Variants in TF observed in about 807,000 individuals in gnomAD.
The protein encoded by TF is serotransferrin.
In TF, 55 loss-of-function variants were observed where a neutral mutation model predicts 82.4. The ratio of observed to expected loss-of-function variants is 0.67; its 90% CI spans 0.54 to 0.84. The LOEUF (loss-of-function observed/expected upper bound fraction) is 0.84, where lower values mean the gene tolerates loss of function less well. Ranked by LOEUF, TF falls within the 40% of genes least tolerant of loss-of-function variation. The pLI is 0.00. For missense variants in TF, 737 were observed against 868.4 expected, an observed-to-expected ratio of 0.85 and a Z score of 1.90; for synonymous variants, 332 against 332.6, an observed-to-expected ratio of 1.00 and a Z score of 0.02.
the TF span, among the ~76,000 whole-genome samples, chr3:133,707,190 T>TCACACACACACA: frequency 0.049 from 7,038 of 144,584 alleles, 279 homozygotes; most frequent in African/African-American, 0.11. Flanking sequence ...AACCTCAGAG[T>TCACACACACACA]CACACACACA....
chr3:133,685,074 A>ATATATGT, the TF span, among the ~76,000 whole-genome samples: 3 of 152,192 alleles, frequency 2.0e-5, no homozygotes, highest in African/African-American at 7.2e-5. Context: ...AAACTAATCC[A>ATATATGT]TCATATAAAC....
the TF span, chr3:133,710,055 T>C: frequency 1.3e-5 from 2 of 152,396 alleles, no homozygotes; most frequent in Non-Finnish European, 2.9e-5. Context: ...CAGTAAGTCC[T>C]GGAGTGCTGT....
At chr3:133,705,237 G>A in the TF span, among the ~76,000 whole-genome samples, 5 of 150,078 alleles carry the variant, frequency 3.3e-5, no homozygotes, top group African/African-American at 9.8e-5. Flanking sequence ...TCGTGCCATT[G>A]CACTCCAGCC....
At chr3:133,721,975 G>T in the TF span, among the ~76,000 whole-genome samples, 1 of 152,132 alleles carries the variant, frequency 6.6e-6, no homozygotes, top group East Asian at 1.9e-4. Context: ...TGCCTCCTGG[G>T]GTCAAGCCAT....
At chr3:133,744,174 G>A (rs1933445869), upstream of TF, among the ~76,000 whole-genome samples, 1 of 152,260 alleles carries the variant, frequency 6.6e-6, no homozygotes. Flanking sequence ...CTGGCCAGTA[G>A]GTAGTTGCTC....
chr3:133,733,369 T>A, the TF span, among the ~76,000 whole-genome samples: 3 of 152,136 alleles, frequency 2.0e-5, no homozygotes, highest in African/African-American at 4.8e-5. Flanking sequence ...ACTACTAACC[T>A]CCTTCCCATC....
At chr3:133,728,762 GT>G in the TF span, among the ~76,000 whole-genome samples, 4 of 152,120 alleles carry the variant, frequency 2.6e-5, no homozygotes, top group African/African-American at 9.7e-5. Context: ...TTTCTGTTCT[GT>G]TTTTTCCCCA....
chr3:133,666,164 T>G, the TF span, among the ~76,000 whole-genome samples: 4 of 152,116 alleles, frequency 2.6e-5, no homozygotes, highest in Non-Finnish European at 5.9e-5. Context: ...AATAAATGAA[T>G]GTACAATTTG....
intron 9 of TF, chr3:133,761,204 C>T (rs1933983316): frequency 9.3e-6 from 2 of 214,440 alleles, no homozygotes; most frequent in Admixed American, 4.2e-5. Flanking sequence ...ACTGGTATTA[C>T]TGGGATGGCA....
In TF at chr3:133,756,776, G is replaced by A. The variant is rs1933846220; in HGVS notation, c.692-55G>A. On this transcript the variant is annotated intron_variant, in intron 6 of 16. Coordinates refer to ENST00000402696, the MANE Select transcript of TF (RefSeq NM_001063.4). The stretch of plus-strand genomic sequence containing the variant: ...ATGATCAATTGAATTTCAAGGATGG[G>A]CACCACAGCCCATGGCTCTCCTGTG... The A allele has an allele frequency of 1.7e-5, 28 of 1,604,246 alleles. No individual in the cohort carries two copies. In the South Asian group the frequency reaches 3.1e-4, roughly 18 times the overall value.
chr3:133,736,576 A>T, the TF span, among the ~76,000 whole-genome samples: 1 of 144,934 alleles, frequency 6.9e-6, no homozygotes, highest in Non-Finnish European at 1.5e-5. Flanking sequence ...GTGCAAAGAC[A>T]CACATAGGCT....
At position 133,793,241 on chromosome 3, in the gene TF, G is replaced by GT. The variant is rs1302110383; in HGVS notation, c.*14626dup. On this transcript the variant is annotated 3_prime_UTR_variant, in exon 17 of 17. Transcript: ENST00000402696. ...GTCTTCCATCTATCAACATGGAAAG[G>GT]TTTTTGCCTTTTAAAACATTTTTGA... 6.6e-6 allele frequency: 1 copy of GT among 152,072 alleles called. No homozygotes were observed. The highest frequency in any genetic ancestry group is 6.6e-5 in the Admixed American group (1 of 15,262). 9.4% of individuals were successfully genotyped at this position (152,072 alleles called of 1,614,324 possible).
the TF span, among the ~76,000 whole-genome samples, chr3:133,699,002 T>C: frequency 6.6e-6 from 1 of 152,218 alleles, no homozygotes; most frequent in Admixed American, 6.5e-5. Flanking sequence ...GGCATGGTAA[T>C]GCGTCAGCCC....
At chr3:133,715,056 G>A in the TF span, among the ~76,000 whole-genome samples, 12,089 of 152,048 alleles carry the variant, frequency 0.08, 646 homozygotes, top group East Asian at 0.26. Context: ...ACCTTTCCCC[G>A]TGGTCTTTTT....
At chr3:133,761,703 T>C (rs1251345073) in intron 9 of TF, 1 of 152,270 alleles carries the variant, frequency 6.6e-6, no homozygotes, top group Non-Finnish European at 1.5e-5. Flanking sequence ...AGCATAGTAC[T>C]GGATTGTGTG....
chr3:133,736,579 C>T, the TF span, among the ~76,000 whole-genome samples: 2 of 107,366 alleles, frequency 1.9e-5, no homozygotes, highest in South Asian at 6.4e-4. Context: ...CAAAGACACA[C>T]ATAGGCTCAA....
At chr3:133,693,433 C>A in the TF span, among the ~76,000 whole-genome samples, 76,022 of 151,986 alleles carry the variant, frequency 0.5, 19,674 homozygotes, top group Non-Finnish European at 0.56. Flanking sequence ...ATAATGATGG[C>A]CAGATCTTTT....
the TF span, among the ~76,000 whole-genome samples, chr3:133,739,484 G>A: frequency 6.6e-6 from 1 of 152,106 alleles, no homozygotes; most frequent in East Asian, 1.9e-4. Context: ...TTAAAATAAA[G>A]AGCTTCTGCA....
At position 133,766,389 on chromosome 3, in the gene TF, TC is replaced by T. The variant is rs762811194; in HGVS notation, c.1446del (p.Met483TrpfsTer40). On this transcript the variant is annotated frameshift_variant, in exon 12 of 17. Coordinates refer to ENST00000402696, the MANE Select transcript of TF (RefSeq NM_001063.4). LOFTEE classifies it high-confidence loss of function. Reference sequence around the variant, plus strand: ...GTTGGCAGAACCGCTGGCTGGAACATCCCCATGGGCCTGCTCTACAATAAGA... The same window carrying T: ...GTTGGCAGAACCGCTGGCTGGAACATCCCATGGGCCTGCTCTACAATAAGA... Reference protein sequence around the residue: ...TAVGRTAGWNIPMGLLYNKIN... With the variant: ...TAVGRTAGWNXPMGLLYNKIN... 5.6e-6 allele frequency: 9 copies of T among 1,614,062 alleles called. No homozygotes were observed. Among genetic ancestry groups the T allele is most frequent in the Non-Finnish European group, 7.6e-6 (9 of 1,180,034 alleles).
Sources: gnomAD v4.1 joint callset for allele counts (sites outside exome capture counted in the v4.1 genomes callset) on GRCh38, gnomAD v4.1.1 for gene constraint, MANE v1.5 for transcripts, NCBI Gene and HGNC (gene_info 2026-07-23, HGNC 2026-07-21) for gene names.